The following AFG2A variants were observed in gnomAD, a reference collection of about 807,000 sequenced individuals.
AFG2A encodes AAA ATPase AFG2A.
chr4:122,942,355 G>T, the AFG2A span, among the ~76,000 whole-genome samples: 3 of 151,062 alleles, frequency 2.0e-5, no homozygotes, highest in African/African-American at 4.9e-5. Context: ...TCCTGGTTTA[G>T]TCTTGGGAGG....
chr4:123,113,927 T>G, the AFG2A span, among the ~76,000 whole-genome samples: 3 of 151,180 alleles, frequency 2.0e-5, no homozygotes, highest in African/African-American at 7.3e-5. Flanking sequence ...AGGCCTGGAG[T>G]GGGTGGCTCC....
the AFG2A span, among the ~76,000 whole-genome samples, chr4:123,015,607 A>AT: frequency 6.6e-6 from 1 of 151,018 alleles, no homozygotes; most frequent in African/African-American, 2.4e-5. Context: ...CATGGCAACC[A>AT]TCCGATTTCT....
the AFG2A span, among the ~76,000 whole-genome samples, chr4:123,218,420 ATCTC>A: frequency 6.6e-6 from 1 of 152,132 alleles, no homozygotes; most frequent in Non-Finnish European, 1.5e-5. Flanking sequence ...AAAATTTTAA[ATCTC>A]TCTAAGAGGT....
the AFG2A span, among the ~76,000 whole-genome samples, chr4:123,059,156 T>TTTTA: frequency 6.7e-6 from 1 of 148,220 alleles, no homozygotes; most frequent in Non-Finnish European, 1.5e-5. Context: ...TTTTATTTTA[T>TTTTA]TTTATTATTA....
chr4:123,211,547 A>C, the AFG2A span, among the ~76,000 whole-genome samples: 7 of 152,180 alleles, frequency 4.6e-5, no homozygotes, highest in Admixed American at 1.3e-4. Flanking sequence ...GCTGGAAAGC[A>C]CCCTATTATA....
chr4:123,008,583 C>T, the AFG2A span, among the ~76,000 whole-genome samples: 70 of 152,130 alleles, frequency 4.6e-4, no homozygotes, highest in African/African-American at 1.4e-3. Context: ...TCACATGTCC[C>T]GTGTTAAAAT....
the AFG2A span, among the ~76,000 whole-genome samples, chr4:123,301,621 T>C: frequency 3.3e-5 from 5 of 152,302 alleles, no homozygotes; most frequent in East Asian, 1.9e-4. Context: ...ATATAAATAA[T>C]CCTATTTTCT....
the AFG2A span, among the ~76,000 whole-genome samples, chr4:123,127,039 T>A: frequency 6.6e-5 from 10 of 152,180 alleles, no homozygotes; most frequent in East Asian, 3.9e-4. Flanking sequence ...TGGGAAACTT[T>A]GGGAGACCTT....
chr4:123,004,972 A>G, the AFG2A span, among the ~76,000 whole-genome samples: 1 of 151,894 alleles, frequency 6.6e-6, no homozygotes, highest in Admixed American at 6.6e-5. Context: ...ATTCTGTTTC[A>G]CCTAAGTTGT....
At chr4:123,149,062 C>A in the AFG2A span, among the ~76,000 whole-genome samples, 2 of 152,174 alleles carry the variant, frequency 1.3e-5, no homozygotes, top group East Asian at 3.8e-4. Context: ...AGCCACGGCG[C>A]CTGGCACACA....
the AFG2A span, among the ~76,000 whole-genome samples, chr4:123,157,204 A>G: frequency 1.3e-5 from 2 of 151,330 alleles, no homozygotes; most frequent in East Asian, 1.9e-4. Flanking sequence ...TTTTTTTTTA[A>G]GTAGAGACAG....
the AFG2A span, among the ~76,000 whole-genome samples, chr4:123,016,644 A>G: frequency 8.5e-5 from 12 of 141,082 alleles, no homozygotes; most frequent in Middle Eastern, 3.8e-3. Context: ...CAGACTGGGT[A>G]GCCAGGCAGA....
At chr4:123,148,251 A>G in the AFG2A span, among the ~76,000 whole-genome samples, 3,331 of 152,336 alleles carry the variant, frequency 0.022, 66 homozygotes, top group Non-Finnish European at 0.035. Flanking sequence ...AAGTATACAT[A>G]CAGTTCCTTT....
At chr4:123,098,177 G>A in the AFG2A span, among the ~76,000 whole-genome samples, 8 of 152,018 alleles carry the variant, frequency 5.3e-5, no homozygotes, top group East Asian at 1.4e-3. Context: ...AAGATTAGTA[G>A]CCTTTAATGT....
the AFG2A span, among the ~76,000 whole-genome samples, chr4:123,160,201 C>T: frequency 6.6e-6 from 1 of 152,076 alleles, no homozygotes; most frequent in Non-Finnish European, 1.5e-5. Context: ...CCCACCCTAA[C>T]CTTAGACTCA....
chr4:123,006,219 C>T, the AFG2A span, among the ~76,000 whole-genome samples: 1 of 151,728 alleles, frequency 6.6e-6, no homozygotes, highest in Non-Finnish European at 1.5e-5. Context: ...AATGGTTTTG[C>T]TCCACTGTCT....
At chr4:123,120,656 T>A in the AFG2A span, among the ~76,000 whole-genome samples, 1 of 152,200 alleles carries the variant, frequency 6.6e-6, no homozygotes, top group Non-Finnish European at 1.5e-5. Flanking sequence ...GAAAAATTCC[T>A]ATGGCTTAGT....
At chr4:123,038,930 T>C in the AFG2A span, among the ~76,000 whole-genome samples, 2 of 152,124 alleles carry the variant, frequency 1.3e-5, no homozygotes, top group East Asian at 3.8e-4. Flanking sequence ...CTTTATACTA[T>C]ATTTTCACAT....
chr4:123,085,033 T>C, the AFG2A span, among the ~76,000 whole-genome samples: 1 of 152,086 alleles, frequency 6.6e-6, no homozygotes, highest in East Asian at 1.9e-4. Context: ...TTTTTTTAGC[T>C]GTTTGCTGTT....
Sources: allele counts gnomAD v4.1 joint callset (sites outside exome capture counted in the v4.1 genomes callset), GRCh38; gene constraint gnomAD v4.1.1; transcripts MANE v1.5; gene names NCBI Gene and HGNC (gene_info 2026-07-23, HGNC 2026-07-21).